The following NXPH1 variants were observed in gnomAD, a reference collection of about 807,000 sequenced individuals.
NXPH1 encodes neurexophilin 1, also known as neurexophilin-1.
NXPH1 carries 5 observed loss-of-function variants against 23.7 expected under a neutral mutation model. The observed-to-expected ratio is 0.21, with a 90% CI of 0.11 to 0.44. The LOEUF (loss-of-function observed/expected upper bound fraction) is 0.44. Among genes scored for constraint, NXPH1 ranks in the 20% least tolerant of loss-of-function variants. NXPH1 has a pLI of 0.99. For synonymous variants in NXPH1, 144 were observed against 122.2 expected, an observed-to-expected ratio of 1.18 and a Z score of -1.18; for missense variants, 324 against 321.6, an observed-to-expected ratio of 1.01 and a Z score of -0.06.
intron 2 of NXPH1, among the ~76,000 whole-genome samples, chr7:8,648,524 C>T (rs1820432833): frequency 6.6e-6 from 1 of 152,190 alleles, no homozygotes; most frequent in East Asian, 1.9e-4. Context: ...AAGAGTACTG[C>T]ATTGTGTATA....
chr7:8,438,644 A>C (rs545394872), intron 2 of NXPH1, among the ~76,000 whole-genome samples: 2 of 152,324 alleles, frequency 1.3e-5, no homozygotes, highest in East Asian at 3.9e-4. Flanking sequence ...CTCCTAAAGA[A>C]ATATTTAGGC....
intron 2 of NXPH1, among the ~76,000 whole-genome samples, chr7:8,669,500 G>T (rs1018777393): frequency 5.3e-5 from 8 of 152,208 alleles, no homozygotes; most frequent in Admixed American, 3.9e-4. Flanking sequence ...TTTGGCACTA[G>T]CTTGGAGGTT....
chr7:8,534,759 G>A (rs1818002503), intron 2 of NXPH1, among the ~76,000 whole-genome samples: 1 of 151,974 alleles, frequency 6.6e-6, no homozygotes, highest in Non-Finnish European at 1.5e-5. Context: ...GCTGTGTCAG[G>A]TAGGCATTAT....
chr7:8,572,571 T>A (rs1370241957), intron 2 of NXPH1, among the ~76,000 whole-genome samples: 1 of 151,970 alleles, frequency 6.6e-6, no homozygotes, highest in Non-Finnish European at 1.5e-5. Context: ...CATAGAGCTG[T>A]GAAGGTAAAG....
At chr7:8,443,602 T>G (rs576657980) in intron 2 of NXPH1, among the ~76,000 whole-genome samples, 1 of 152,314 alleles carries the variant, frequency 6.6e-6, no homozygotes, top group South Asian at 2.1e-4. Flanking sequence ...GTCCTAATTA[T>G]TATGAATTTC....
chr7:8,748,297 G>C (rs1374293311), intron 2 of NXPH1, among the ~76,000 whole-genome samples: 1 of 152,160 alleles, frequency 6.6e-6, no homozygotes, highest in African/African-American at 2.4e-5. Context: ...GTACATAGGG[G>C]AAAGGAGAGA....
intron 2 of NXPH1, among the ~76,000 whole-genome samples, chr7:8,593,016 C>G (rs190086748): frequency 2.0e-5 from 3 of 151,898 alleles, no homozygotes; most frequent in Admixed American, 2.0e-4. Flanking sequence ...TTGTTTATAG[C>G]CAACCCAGGT....
At chr7:8,680,044 A>C (rs1309153343) in intron 2 of NXPH1, among the ~76,000 whole-genome samples, 4 of 152,016 alleles carry the variant, frequency 2.6e-5, no homozygotes, top group Admixed American at 1.3e-4. Flanking sequence ...TCTGTTTGAA[A>C]CCCTAGTATG....
At chr7:8,525,700 T>C (rs1276081279) in intron 2 of NXPH1, among the ~76,000 whole-genome samples, 1 of 152,218 alleles carries the variant, frequency 6.6e-6, no homozygotes, top group East Asian at 1.9e-4. Context: ...TAGCTTAGGC[T>C]GTGGCTTCAG....
chr7:8,577,604 C>T (rs1818778413), intron 2 of NXPH1, among the ~76,000 whole-genome samples: 1 of 152,200 alleles, frequency 6.6e-6, no homozygotes. Context: ...GCATGAGGCA[C>T]TGTACTAGTG....
chr7:8,729,961 A>G (rs1472635092), intron 2 of NXPH1, among the ~76,000 whole-genome samples: 9 of 142,880 alleles, frequency 6.3e-5, no homozygotes, highest in Non-Finnish European at 1.1e-4. Context: ...CCCATTATTA[A>G]TGTGTGGGAG....
At chr7:8,488,633 C>T (rs781327177) in intron 2 of NXPH1, among the ~76,000 whole-genome samples, 4 of 152,078 alleles carry the variant, frequency 2.6e-5, no homozygotes, top group African/African-American at 4.8e-5. Flanking sequence ...GAAGGCTAAT[C>T]GAGGACTTGC....
At chr7:8,477,301 C>T (rs553872163) in intron 2 of NXPH1, among the ~76,000 whole-genome samples, 1 of 152,010 alleles carries the variant, frequency 6.6e-6, no homozygotes, top group African/African-American at 2.4e-5. Flanking sequence ...TACTTGTTCC[C>T]CTCCCTACCA....
intron 2 of NXPH1, among the ~76,000 whole-genome samples, chr7:8,736,044 T>C (rs1233592323): frequency 6.6e-6 from 1 of 152,038 alleles, no homozygotes; most frequent in East Asian, 1.9e-4. Flanking sequence ...TTTGTCTTCC[T>C]AGCCATGTAT....
intron 2 of NXPH1, among the ~76,000 whole-genome samples, chr7:8,535,160 T>G (rs1486369670): frequency 6.6e-6 from 1 of 152,036 alleles, no homozygotes; most frequent in African/African-American, 2.4e-5. Flanking sequence ...CAGACAGACA[T>G]GAACACCAAA....
intron 2 of NXPH1, among the ~76,000 whole-genome samples, chr7:8,654,803 T>G (rs1253256280): frequency 6.6e-6 from 1 of 152,192 alleles, no homozygotes; most frequent in Non-Finnish European, 1.5e-5. Flanking sequence ...CTATCTGAGC[T>G]GGAGATTTGG....
chr7:8,606,594 A>C (rs184060800), intron 2 of NXPH1, among the ~76,000 whole-genome samples: 3 of 152,322 alleles, frequency 2.0e-5, no homozygotes, highest in African/African-American at 7.2e-5. Flanking sequence ...TTGGAAGTTA[A>C]GGCATGGTTT....
chr7:8,654,121 A>C (rs747561265), intron 2 of NXPH1, among the ~76,000 whole-genome samples: 130 of 151,800 alleles, frequency 8.6e-4, no homozygotes, highest in Admixed American at 1.8e-3. Flanking sequence ...CTTTTGAAAA[A>C]CTCTTCATTG....
intron 2 of NXPH1, among the ~76,000 whole-genome samples, chr7:8,484,489 CAA>C (rs1476027944): frequency 6.6e-6 from 1 of 152,012 alleles, no homozygotes; most frequent in Non-Finnish European, 1.5e-5. Context: ...AAAAATAAGA[CAA>C]GTTATTTTAA....
Sources: allele counts gnomAD v4.1 joint callset (sites outside exome capture counted in the v4.1 genomes callset), GRCh38; gene constraint gnomAD v4.1.1; transcripts MANE v1.5; gene names NCBI Gene and HGNC (gene_info 2026-07-23, HGNC 2026-07-21).